The following MMS22L variants were observed in gnomAD, a reference collection of about 807,000 sequenced individuals.
MMS22L encodes MMS22 like, DNA repair protein.
A neutral mutation model predicts 159.1 loss-of-function variants in MMS22L; 74 were observed. The ratio of observed to expected loss-of-function variants is 0.47; its 90% CI spans 0.39 to 0.56. MMS22L has a LOEUF of 0.56. Ranked by LOEUF, MMS22L falls within the 20% of genes least tolerant of loss-of-function variation. The pLI, the probability that MMS22L is intolerant of heterozygous loss-of-function variation, is 0.00. For synonymous variants in MMS22L, 517 were observed against 506.9 expected (o/e 1.02, Z -0.27); for missense variants, 1,351 against 1,422.1 (o/e 0.95, Z 0.80).
chr6:97,196,470 A>T (rs1158139120), intron 14 of MMS22L, among the ~76,000 whole-genome samples: 1 of 152,176 alleles, frequency 6.6e-6, no homozygotes. Flanking sequence ...ATTGATAAGG[A>T]ACTGTAGTAC....
At chr6:97,149,822 C>A in intron 24 of MMS22L, 31 bp downstream of exon 24, 1 of 1,519,510 alleles carries the variant, frequency 6.6e-7, no homozygotes. Flanking sequence ...AATCACTGCC[C>A]CCCCCAATGT....
intron 11 of MMS22L, among the ~76,000 whole-genome samples, chr6:97,236,483 A>G (rs1271860070): frequency 6.6e-6 from 1 of 152,282 alleles, no homozygotes; most frequent in African/African-American, 2.4e-5. Context: ...TTTCTCTCAC[A>G]ATATTCAGTT....
At chr6:97,148,605 T>C (rs1801031243) in intron 24 of MMS22L, among the ~76,000 whole-genome samples, 1 of 151,962 alleles carries the variant, frequency 6.6e-6, no homozygotes, top group Admixed American at 6.6e-5. Context: ...AAAAAGCTTA[T>C]TCAAGAATAT....
At chr6:97,182,914 G>A (rs1804862860) in intron 15 of MMS22L, among the ~76,000 whole-genome samples, 1 of 151,964 alleles carries the variant, frequency 6.6e-6, no homozygotes, top group African/African-American at 2.4e-5. Flanking sequence ...TTTGTAGACT[G>A]TAGCTCACTA....
rs140747131 is a variant in MMS22L at position 97,151,275 on chromosome 6, T to C, written c.3482+496A>G. 7.0e-4 allele frequency among the ~76,000 whole-genome samples: 107 copies of C among 152,342 alleles called. 2 individuals are homozygous for C. Among genetic ancestry groups the C allele is most frequent in the African/African-American group, 2.5e-3 (102 of 41,576 alleles). On this transcript the variant is annotated intron_variant, in intron 23 of 24. Transcript: ENST00000683635. ...CATTTTTACTGTACCTTTTCTATGT[T>C]TGGATACATTTAGATACACAAATAT...
Position 97,281,364 on chromosome 6 carries a change from T to A in MMS22L, c.165-2A>T. ...AAAGGGTCAAGATTCAAAATCAATCTGAAATGAAAATTGTTTCAATCTCAT... is the reference window on the plus strand; with the variant it reads ...AAAGGGTCAAGATTCAAAATCAATCAGAAATGAAAATTGTTTCAATCTCAT... On this transcript the variant is annotated splice_acceptor_variant, in intron 2 of 24. Transcript: ENST00000683635. LOFTEE classifies it high-confidence loss of function. The A allele has an allele frequency of 6.3e-7, 1 of 1,590,580 alleles. No individual in the cohort carries two copies. The highest frequency in any genetic ancestry group is 8.5e-7 in the Non-Finnish European group (1 of 1,170,284).
intron 11 of MMS22L, chr6:97,246,100 T>C: frequency 2.4e-6 from 1 of 419,706 alleles, no homozygotes; most frequent in South Asian, 1.8e-5. Flanking sequence ...TGTTTAAAAC[T>C]ATTTTAAAAG....
intron 9 of MMS22L, chr6:97,260,379 A>T (rs1333812421): frequency 3.9e-5 from 6 of 151,994 alleles, no homozygotes; most frequent in Non-Finnish European, 7.4e-5. Context: ...TTATTCCCTT[A>T]GTTGTTTTCA....
chr6:97,268,190 CTTT>C (rs529896058), intron 7 of MMS22L, among the ~76,000 whole-genome samples, 188 bp from the exon 8 acceptor site: 6 of 136,674 alleles, frequency 4.4e-5, no homozygotes, highest in African/African-American at 5.3e-5. Context: ...TCAAAAGTTT[CTTT>C]TTTTTTTTTT....
rs748651584 is a variant in MMS22L at position 97,281,365 on chromosome 6, G to A, written c.165-3C>T. The A allele has an allele frequency of 2.5e-6, 4 of 1,588,984 alleles. No individual in the cohort carries two copies. Among genetic ancestry groups the A allele is most frequent in the Admixed American group, 1.8e-5 (1 of 56,092 alleles). ...AAGGGTCAAGATTCAAAATCAATCT[G>A]AAATGAAAATTGTTTCAATCTCATA... On this transcript the variant is annotated splice_polypyrimidine_tract_variant and splice_region_variant and intron_variant, in intron 2 of 24. Coordinates refer to ENST00000683635, the MANE Select transcript of MMS22L (RefSeq NM_001350599.2).
chr6:97,178,434 G>C lies in MMS22L; in HGVS notation c.2679+9C>G. On this transcript the variant is annotated intron_variant, in intron 18 of 24. Transcript: ENST00000683635. ...AATCTGGACAATTATACTAATAAAT[G>C]ACAAATACCTCAAAGAATCGAACAA... 1 of 1,523,640 alleles carries C rather than the reference G, an allele frequency of 6.6e-7. No individual in the cohort carries two copies. The highest frequency in any genetic ancestry group is 1.4e-5 in the South Asian group (1 of 73,592). The allele number at this position is 1,523,640 out of a possible 1,614,324, so 94.4% of individuals were successfully genotyped here. A position where few individuals can be genotyped will look rare whatever the true frequency, so the allele number is the denominator to read the frequency against.
At chr6:97,212,035 T>G (rs1045362579) in intron 14 of MMS22L, among the ~76,000 whole-genome samples, 3 of 152,226 alleles carry the variant, frequency 2.0e-5, no homozygotes, top group African/African-American at 7.2e-5. Flanking sequence ...GAGAAAATTC[T>G]GTAAGTGACA....
At chr6:97,254,398 T>G in intron 10 of MMS22L, 159 bp downstream of exon 10, 1 of 638,908 alleles carries the variant, frequency 1.6e-6, no homozygotes, top group Non-Finnish European at 2.6e-6. Flanking sequence ...ATAAACTTTA[T>G]AATTTTTCAA....
chr6:97,238,572 C>CGT lies in MMS22L; in HGVS notation c.1183-4594_1183-4593dup, dbSNP rs71740630. Among the ~76,000 whole-genome samples the CGT allele has an allele frequency of 7.0e-3, 641 of 91,532 alleles. 2 individuals carry two copies. Among genetic ancestry groups the CGT allele is most frequent in the Middle Eastern group, 0.02 (3 of 152 alleles). 60.0% of individuals were successfully genotyped at this position (91,532 alleles called of 152,430 possible). A position where few individuals can be genotyped will look rare whatever the true frequency, so the allele number is the denominator to read the frequency against. ...TATGGGCTCTCAGCGTGTCTCATCT[C>CGT]GTGTGTGTGTGTGTGTGTGTGTGTG... is the stretch of plus-strand genomic sequence containing the variant. On this transcript the variant is annotated intron_variant, in intron 11 of 24. Coordinates refer to ENST00000683635, the MANE Select transcript of MMS22L (RefSeq NM_001350599.2).
chr6:97,246,495 G>A (rs4327707), intron 11 of MMS22L, 133 bp downstream of exon 11: 23,690 of 638,028 alleles, frequency 0.037, 518 homozygotes, highest in Middle Eastern at 0.055. Context: ...AGAAACTACT[G>A]TGAGTTAACC....
chr6:97,231,669 A>C lies in MMS22L; in HGVS notation c.1303-17T>G, dbSNP rs772555196. 3.3e-4 allele frequency: 506 copies of C among 1,530,876 alleles called. No homozygotes were observed. The highest frequency in any genetic ancestry group is 4.3e-4 in the Non-Finnish European group (481 of 1,112,266). The allele number at this position is 1,530,876 out of a possible 1,614,324, so 94.8% of individuals were successfully genotyped here. The stretch of plus-strand genomic sequence containing the variant: ...GGAACTATTCTAAAAGGGGGGAAAA[A>C]AAAGATAGAAAACAATTATTAGTCT... On this transcript the variant is annotated splice_polypyrimidine_tract_variant and intron_variant, in intron 12 of 24. Coordinates refer to ENST00000683635, the MANE Select transcript of MMS22L (RefSeq NM_001350599.2).
chr6:97,177,341 T>A (rs2128264567), intron 18 of MMS22L, among the ~76,000 whole-genome samples: 1 of 152,332 alleles, frequency 6.6e-6, no homozygotes, highest in East Asian at 1.9e-4. Flanking sequence ...TGCCTTGTGT[T>A]ACTATTTTAG....
intron 14 of MMS22L, among the ~76,000 whole-genome samples, chr6:97,187,734 A>G (rs1012329039): frequency 1.3e-5 from 2 of 152,182 alleles, no homozygotes; most frequent in African/African-American, 4.8e-5. Flanking sequence ...AGTGGATAAC[A>G]TGAAAGAACT....
chr6:97,201,830 A>G (rs1807201033), intron 14 of MMS22L, among the ~76,000 whole-genome samples: 2 of 152,244 alleles, frequency 1.3e-5, no homozygotes, highest in Non-Finnish European at 2.9e-5. Flanking sequence ...TAGAGCCTAG[A>G]TTGACAGAAT....
Sources: gnomAD v4.1 joint callset for allele counts (sites outside exome capture counted in the v4.1 genomes callset) on GRCh38, gnomAD v4.1.1 for gene constraint, MANE v1.5 for transcripts, NCBI Gene and HGNC (gene_info 2026-07-23, HGNC 2026-07-21) for gene names.